CDH3: variants seen among roughly 807,000 people sequenced by gnomAD.
CDH3 encodes cadherin-3.
Under a neutral mutation model 82.0 loss-of-function variants are expected in CDH3, and 54 were observed. The observed-to-expected ratio is 0.66, with a 90% CI of 0.53 to 0.83. The LOEUF (loss-of-function observed/expected upper bound fraction) is 0.83, where lower values mean the gene tolerates loss of function less well. CDH3 is among the 40% of genes least tolerant of loss of function. CDH3 has a pLI of 0.00. For synonymous variants in CDH3, 446 were observed against 437.9 expected, an observed-to-expected ratio of 1.02 and a Z score of -0.23; for missense variants, 1,054 against 1,084.6, an observed-to-expected ratio of 0.97 and a Z score of 0.40.
downstream of CDH3, among the ~76,000 whole-genome samples, chr16:68,729,169 G>T (rs932209607): frequency 6.6e-6 from 1 of 152,150 alleles, no homozygotes; most frequent in African/African-American, 2.4e-5. Flanking sequence ...GCTGCTCATG[G>T]TGGTGCTGGC....
chr16:68,730,467 G>A (rs568577636), downstream of CDH3, among the ~76,000 whole-genome samples: 8 of 152,178 alleles, frequency 5.3e-5, no homozygotes, highest in African/African-American at 7.2e-5. Context: ...CGGAAGTTGC[G>A]TTGAGCCGAG....
At position 68,678,228 on chromosome 16, in the gene CDH3, T is replaced by C. The variant is rs1961091009; in HGVS notation, c.341T>C (p.Ile114Thr). 1 of 1,614,012 alleles carries C rather than the reference T, an allele frequency of 6.2e-7. No individual in the cohort carries two copies. The highest frequency in any genetic ancestry group is 8.5e-7 in the Non-Finnish European group (1 of 1,179,998). ...AAGAGAGATTGGGTGGTTGCTCCAA[T>C]ATCTGTCCCTGAAAATGGCAAGGGT... ...RHKRDWVVAP[I>T]SVPENGKGPF... is the part of the protein sequence containing the mutation. The change falls in exon 4 of 16, where the codon ATA becomes ACA. Residue 114 changes from isoleucine to threonine, a missense_variant. Coordinates refer to ENST00000264012, the MANE Select transcript of CDH3 (RefSeq NM_001793.6).
intron 2 of CDH3, among the ~76,000 whole-genome samples, chr16:68,726,259 G>A (rs1348941765): frequency 6.6e-6 from 1 of 152,034 alleles, no homozygotes; most frequent in East Asian, 1.9e-4. Flanking sequence ...AGGCTGGCCA[G>A]AGGACCAAAT....
In CDH3 at chr16:68,654,702, C is replaced by CA. The variant is rs199604730; in HGVS notation, c.160+8964dup. 8.9e-3 allele frequency among the ~76,000 whole-genome samples: 1,111 copies of CA among 124,236 alleles called. 22 individuals carry two copies. Among genetic ancestry groups the CA allele is most frequent in the African/African-American group, 0.032 (1,004 of 31,392 alleles). The allele number at this position is 124,236 out of a possible 152,430, so 81.5% of individuals were successfully genotyped here. On this transcript the variant is annotated intron_variant, in intron 2 of 15. Transcript: ENST00000264012. ...TGGGTGACCGAGCAAGACTCTGTCTCAAAAAAAAAAAATATATATATATAT... is the reference window on the plus strand; with the variant it reads ...TGGGTGACCGAGCAAGACTCTGTCTCAAAAAAAAAAAAATATATATATATAT...
chr16:68,657,012 G>A (rs1283182832), intron 2 of CDH3, among the ~76,000 whole-genome samples: 1 of 152,074 alleles, frequency 6.6e-6, no homozygotes, highest in South Asian at 2.1e-4. Context: ...GGGTAGAAGA[G>A]CTTGACAGAC....
At chr16:68,715,609 G>T (rs1962086059) in intron 1 of CDH3, among the ~76,000 whole-genome samples, 1 of 152,102 alleles carries the variant, frequency 6.6e-6, no homozygotes, top group Non-Finnish European at 1.5e-5. Context: ...CAAGGCCAAG[G>T]TCTGTACTCA....
intron 2 of CDH3, among the ~76,000 whole-genome samples, chr16:68,663,527 C>T (rs989290116): frequency 2.0e-5 from 3 of 152,086 alleles, no homozygotes; most frequent in Admixed American, 6.5e-5. Context: ...AGCCACCACG[C>T]CTGGCCGAAA....
intron 7 of CDH3, 72 bp downstream of exon 7, chr16:68,680,046 G>A (rs1309734499): frequency 1.4e-6 from 2 of 1,448,848 alleles, no homozygotes; most frequent in Non-Finnish European, 1.9e-6. Flanking sequence ...GAGAGCAGAA[G>A]CTCCTATCCC....
In CDH3 at chr16:68,681,056, T is replaced by C. The variant is rs752033048; in HGVS notation, c.956T>C (p.Leu319Pro). 1 of 1,613,998 alleles carries C rather than the reference T, an allele frequency of 6.2e-7. No individual in the cohort carries two copies. The highest frequency in any genetic ancestry group is 8.5e-7 in the Non-Finnish European group (1 of 1,179,976). ...TTTAVAVVEILDANDNAPMFD... is the reference protein window; with the variant it reads ...TTTAVAVVEIPDANDNAPMFD... ...ACGGCAGTGGCAGTAGTGGAGATCC[T>C]TGATGCCAATGACAATGCTCCCATG... Residue 319 changes from leucine to proline, a missense_variant, in exon 8 of 16, where the codon CTT (leucine) becomes CCT (proline). Leu to Pro is a moderately conservative substitution (Grantham distance 98, BLOSUM62 -3). Coordinates refer to ENST00000264012, the MANE Select transcript of CDH3 (RefSeq NM_001793.6).
chr16:68,728,587 C>A (rs182392173), downstream of CDH3, among the ~76,000 whole-genome samples: 1 of 152,164 alleles, frequency 6.6e-6, no homozygotes, highest in South Asian at 2.1e-4. Flanking sequence ...TGAGCCACCA[C>A]GCCCAGCCCC....
intron 15 of CDH3, among the ~76,000 whole-genome samples, chr16:68,697,668 G>C (rs772093927): frequency 4.6e-5 from 7 of 152,142 alleles, no homozygotes; most frequent in Non-Finnish European, 1.0e-4. Flanking sequence ...TTTAAGTTTC[G>C]GAACTACTGA....
chr16:68,678,032 A>G (rs987862216), intron 3 of CDH3, 102 bp from the exon 4 acceptor site: 10 of 1,086,408 alleles, frequency 9.2e-6, no homozygotes, highest in Non-Finnish European at 1.4e-6. Flanking sequence ...TATAGGCGTG[A>G]GCTACCATGC....
At chr16:68,648,153 C>G (rs115100973) in intron 2 of CDH3, among the ~76,000 whole-genome samples, 1,688 of 152,204 alleles carry the variant, frequency 0.011, 39 homozygotes, top group African/African-American at 0.038. Context: ...TCTAGCCTTG[C>G]CTGAGGTTTT....
rs375466609 is a variant in CDH3 at position 68,679,765 on chromosome 16, C to A, written c.692-34C>A. 3.8e-5 allele frequency: 52 copies of A among 1,372,866 alleles called. No individual in the cohort carries two copies. In the African/African-American group the frequency reaches 6.8e-4, roughly 18 times the overall value. The allele number at this position is 1,372,866 out of a possible 1,614,324, so 85.0% of individuals were successfully genotyped here. ...GAAGTAGACAGGGCTGGAGTTGGAACTGGGAGGAAAAGATACTCATCCCTT... is the reference window on the plus strand; with the variant it reads ...GAAGTAGACAGGGCTGGAGTTGGAAATGGGAGGAAAAGATACTCATCCCTT... On this transcript the variant is annotated intron_variant, in intron 6 of 15. Coordinates refer to ENST00000264012, the MANE Select transcript of CDH3 (RefSeq NM_001793.6).
intron 1 of CDH3, among the ~76,000 whole-genome samples, chr16:68,709,056 G>T (rs771090176): frequency 6.6e-6 from 1 of 152,174 alleles, no homozygotes; most frequent in Non-Finnish European, 1.5e-5. Flanking sequence ...TGGGAGTACA[G>T]GTGTGAGCCA....
Position 68,695,369 on chromosome 16 carries a change from G to A in CDH3, c.2117G>A (p.Gly706Asp), listed in dbSNP as rs1212625422. 1 of 1,612,426 alleles carries A rather than the reference G, an allele frequency of 6.2e-7. No homozygotes were observed. The highest frequency in any genetic ancestry group is 8.5e-7 in the Non-Finnish European group (1 of 1,179,332). ...DNVFYYGEEG[G>D]GEEDQDYDIT... Reference sequence around the variant, plus strand: ...GTCTTCTACTATGGCGAAGAGGGGGGTGGCGAAGAGGACCAGGTGGGGCAC... The same window carrying A: ...GTCTTCTACTATGGCGAAGAGGGGGATGGCGAAGAGGACCAGGTGGGGCAC... The change falls in exon 14 of 16, where the codon GGT becomes GAT. Residue 706 changes from glycine to aspartate, a missense_variant. By Grantham distance (94) the Gly-to-Asp change is moderately conservative. Coordinates refer to ENST00000264012, the MANE Select transcript of CDH3 (RefSeq NM_001793.6).
chr16:68,702,542 A>G (rs1961909932), downstream of CDH3, among the ~76,000 whole-genome samples: 1 of 152,094 alleles, frequency 6.6e-6, no homozygotes, highest in Non-Finnish European at 1.5e-5. Context: ...TTAAAAGGCA[A>G]AGTCCCAGAA....
chr16:68,685,030 C>G (rs769228203), intron 10 of CDH3, among the ~76,000 whole-genome samples, 175 bp from the exon 11 acceptor site: 1 of 152,194 alleles, frequency 6.6e-6, no homozygotes, highest in Non-Finnish European at 1.5e-5. Context: ...ATGTATCCCT[C>G]CTGGGACTCC....
intron 2 of CDH3, among the ~76,000 whole-genome samples, chr16:68,653,838 C>T (rs781307757): frequency 6.7e-6 from 1 of 150,196 alleles, no homozygotes; most frequent in Non-Finnish European, 1.5e-5. Context: ...TACAGGCGCC[C>T]GCAACCACGC....
Sources: gnomAD v4.1 joint callset for allele counts (sites outside exome capture counted in the v4.1 genomes callset) on GRCh38, gnomAD v4.1.1 for gene constraint, MANE v1.5 for transcripts, NCBI Gene and HGNC (gene_info 2026-07-23, HGNC 2026-07-21) for gene names.